Variants in USP7 observed in about 807,000 individuals in gnomAD.
The protein encoded by USP7 is ubiquitin C-terminal hydrolase 7.
Under a neutral mutation model 162.9 loss-of-function variants are expected in USP7, and 9 were observed. That is an observed-to-expected ratio of 0.06 (90% CI 0.03 to 0.10). The LOEUF is 0.10. USP7 is among the 10% of genes least tolerant of loss of function. The probability of loss-of-function intolerance (pLI) is 1.00; values close to 1 mark genes in which losing one functional copy is unlikely to be tolerated. For missense variants in USP7, 715 were observed against 1,373.7 expected, an observed-to-expected ratio of 0.52 and a Z score of 7.58; for synonymous variants, 562 against 475.9, an observed-to-expected ratio of 1.18 and a Z score of -2.35.
At chr16:8,930,187 G>C (rs527638519) in intron 2 of USP7, 106 bp downstream of exon 2, 5 of 795,716 alleles carry the variant, frequency 6.3e-6, no homozygotes, top group African/African-American at 5.3e-5. Flanking sequence ...AACTAGCTAC[G>C]CTCAGAAGTA....
intron 1 of USP7, among the ~76,000 whole-genome samples, chr16:8,948,311 T>C (rs1899381089): frequency 6.6e-6 from 1 of 151,920 alleles, no homozygotes; most frequent in African/African-American, 2.4e-5. Flanking sequence ...GCCTCCAGAG[T>C]AGCTGGAACT....
intron 1 of USP7, chr16:8,936,698 G>A (rs1898753899): frequency 1.4e-6 from 2 of 1,470,992 alleles, no homozygotes; most frequent in Non-Finnish European, 1.8e-6. Context: ...GAATCTCTAG[G>A]AGCTCTACCT....
intron 1 of USP7, among the ~76,000 whole-genome samples, chr16:8,942,158 A>T (rs1048316255): frequency 2.6e-5 from 4 of 152,252 alleles, no homozygotes; most frequent in Admixed American, 6.5e-5. Context: ...AGGGCCTTGA[A>T]GGCCACGATA....
intron 1 of USP7, among the ~76,000 whole-genome samples, chr16:8,940,623 G>A (rs1161278566): frequency 6.6e-6 from 1 of 152,142 alleles, no homozygotes; most frequent in African/African-American, 2.4e-5. Flanking sequence ...AGGGACGATG[G>A]TGGCAGCCAA....
chr16:8,900,081 G>C (rs931848491), intron 21 of USP7: 6 of 421,674 alleles, frequency 1.4e-5, no homozygotes, highest in African/African-American at 1.2e-4. Context: ...GACCTGACAG[G>C]TGGTGGAGCC....
In USP7 at chr16:8,935,435, T is replaced by C. The variant is rs190921859; in HGVS notation, c.80-5038A>G. Among the ~76,000 whole-genome samples the C allele has an allele frequency of 1.3e-3, 202 of 152,342 alleles. 1 individual carries two copies. The highest frequency in any genetic ancestry group is 3.9e-3 in the Admixed American group (60 of 15,304). On this transcript the variant is annotated intron_variant, in intron 1 of 30. Coordinates refer to ENST00000344836, the MANE Select transcript of USP7 (RefSeq NM_003470.3). ...CACGTTGGCCAGGCTGGTCTCGAAC[T>C]CCTGACCTCAGGTGATCTGCGCACC...
At chr16:8,898,888 G>C (rs1413514349) in intron 23 of USP7, among the ~76,000 whole-genome samples, 1 of 152,218 alleles carries the variant, frequency 6.6e-6, no homozygotes, top group Non-Finnish European at 1.5e-5. Context: ...ACACATGGGA[G>C]ATGCACTGAG....
chr16:8,940,024 G>GGC (rs1567240110), intron 1 of USP7, among the ~76,000 whole-genome samples: 1 of 152,156 alleles, frequency 6.6e-6, no homozygotes, highest in Non-Finnish European at 1.5e-5. Context: ...CTTGAACCAG[G>GGC]GAGGCGAAGG....
At chr16:8,924,859 C>T (rs1003979886) in intron 2 of USP7, among the ~76,000 whole-genome samples, 2 of 152,208 alleles carry the variant, frequency 1.3e-5, no homozygotes, top group East Asian at 3.8e-4. Flanking sequence ...TTTCACATAA[C>T]CCTGCTGAGT....
chr16:8,936,483 T>C (rs1278561713), intron 1 of USP7: 2 of 1,273,076 alleles, frequency 1.6e-6, no homozygotes, highest in African/African-American at 3.0e-5. Context: ...TCTAGATGTA[T>C]AGCCCCAAAT....
chr16:8,945,830 T>G (rs1899250429), intron 1 of USP7, among the ~76,000 whole-genome samples: 1 of 151,656 alleles, frequency 6.6e-6, no homozygotes, highest in African/African-American at 2.4e-5. Context: ...GCAAGAAGAC[T>G]GCTTGAGGCC....
chr16:8,928,197 T>C (rs909670040), intron 2 of USP7, among the ~76,000 whole-genome samples: 2 of 152,218 alleles, frequency 1.3e-5, no homozygotes, highest in African/African-American at 2.4e-5. Context: ...ACACAAGAAA[T>C]GTCCCTTACT....
At chr16:8,930,541 A>C in intron 1 of USP7, 144 bp from the exon 2 acceptor site, 1 of 594,600 alleles carries the variant, frequency 1.7e-6, no homozygotes, top group South Asian at 3.0e-5. Flanking sequence ...TAATCCAAAA[A>C]ATATTTATAC....
At chr16:8,932,144 C>T (rs749699589) in intron 1 of USP7, among the ~76,000 whole-genome samples, 1 of 152,148 alleles carries the variant, frequency 6.6e-6, no homozygotes, top group African/African-American at 2.4e-5. Context: ...AATGGTACTC[C>T]CCACCACCCA....
At chr16:8,912,999 G>A (rs2061972443) in intron 10 of USP7, among the ~76,000 whole-genome samples, 1 of 152,140 alleles carries the variant, frequency 6.6e-6, no homozygotes, top group Non-Finnish European at 1.5e-5. Flanking sequence ...TCTGGAGGCT[G>A]GGGGTAACCT....
intron 1 of USP7, 142 bp downstream of exon 1, chr16:8,963,065 G>T: frequency 1.7e-6 from 1 of 580,442 alleles, no homozygotes. Context: ...CTCGCAGGCC[G>T]GGGCCGGGAG....
At chr16:8,944,728 G>A (rs560494885) in intron 1 of USP7, among the ~76,000 whole-genome samples, 1 of 152,206 alleles carries the variant, frequency 6.6e-6, no homozygotes, top group Non-Finnish European at 1.5e-5. Context: ...CCCCTTTAGA[G>A]GGGACCTACT....
At position 8,893,203 on chromosome 16, in the gene USP7, TGTC is replaced by T. The variant is rs368229841; in HGVS notation, c.*792_*794del. On this transcript the variant is annotated 3_prime_UTR_variant, in exon 31 of 31. Transcript: ENST00000344836. The stretch of plus-strand genomic sequence containing the variant: ...ATGCCCTCTTGCTAAAAGGCTTTCT[TGTC>T]GTCTGTTCCACTTTAACGAAATTCT... 6.6e-6 allele frequency: 1 copy of T among 152,272 alleles called. No individual in the cohort carries two copies. The highest frequency in any genetic ancestry group is 1.5e-5 in the Non-Finnish European group (1 of 68,046). 9.4% of individuals were successfully genotyped at this position (152,272 alleles called of 1,614,324 possible). A position where few individuals can be genotyped will look rare whatever the true frequency, so the allele number is the denominator to read the frequency against.
intron 1 of USP7, chr16:8,962,651 C>T (rs1330648225): frequency 8.8e-6 from 2 of 227,278 alleles, no homozygotes; most frequent in Non-Finnish European, 1.9e-5. Flanking sequence ...CTGGGCCAGT[C>T]CAAAACCTGA....
Sources: gnomAD v4.1 joint callset for allele counts (sites outside exome capture counted in the v4.1 genomes callset) on GRCh38, gnomAD v4.1.1 for gene constraint, MANE v1.5 for transcripts, NCBI Gene and HGNC (gene_info 2026-07-23, HGNC 2026-07-21) for gene names.